The following RAD51B variants were observed in gnomAD, a reference collection of about 807,000 sequenced individuals.
RAD51B encodes RAD51 paralog B, also known as DNA repair protein RAD51 homolog 2.
RAD51B carries 38 observed loss-of-function variants against 42.2 expected under a neutral mutation model. That is an observed-to-expected ratio of 0.90 (90% CI 0.70 to 1.18). RAD51B has a LOEUF of 1.18. Ranked by LOEUF, RAD51B falls within the 50% of genes most tolerant of loss-of-function variation. The pLI, the probability that RAD51B is intolerant of heterozygous loss-of-function variation, is 0.00. For synonymous variants in RAD51B, 154 were observed against 145.2 expected, an observed-to-expected ratio of 1.06 and a Z score of -0.43; for missense variants, 373 against 400.7, an observed-to-expected ratio of 0.93 and a Z score of 0.59.
intron 8 of RAD51B, among the ~76,000 whole-genome samples, chr14:68,356,341 G>A (rs145362966): frequency 0.014 from 2,168 of 151,502 alleles, 51 homozygotes; most frequent in African/African-American, 0.05. Context: ...AGGCTGAGGC[G>A]GGAGAATGGC....
intron 9 of RAD51B, among the ~76,000 whole-genome samples, chr14:68,463,886 C>A (rs2085909894): frequency 6.6e-6 from 1 of 152,174 alleles, no homozygotes; most frequent in South Asian, 2.1e-4. Context: ...AGGACTATCA[C>A]CTCCCTTGTT....
intron 5 of RAD51B, among the ~76,000 whole-genome samples, chr14:67,868,554 C>G (rs1264485222): frequency 1.3e-5 from 2 of 152,230 alleles, no homozygotes; most frequent in Admixed American, 1.3e-4. Context: ...AACAAAGCAG[C>G]CAGGAAGCTC....
At chr14:68,388,078 G>GTA (rs1198304118) in intron 8 of RAD51B, among the ~76,000 whole-genome samples, 59 of 112,208 alleles carry the variant, frequency 5.3e-4, no homozygotes, top group East Asian at 1.5e-3. Flanking sequence ...GTGTGTGTGT[G>GTA]TATATATATA....
At chr14:68,367,391 C>A (rs914316825) in intron 8 of RAD51B, among the ~76,000 whole-genome samples, 2 of 152,072 alleles carry the variant, frequency 1.3e-5, no homozygotes. Context: ...TTGTAAGGGA[C>A]CATTGGAAAA....
At chr14:68,161,930 C>A (rs1366663008) in intron 7 of RAD51B, among the ~76,000 whole-genome samples, 1 of 152,192 alleles carries the variant, frequency 6.6e-6, no homozygotes, top group Non-Finnish European at 1.5e-5. Context: ...TTTATTGTCA[C>A]AACTGTGCAC....
At chr14:68,478,606 A>G (rs971513270), downstream of RAD51B, among the ~76,000 whole-genome samples, 2 of 152,254 alleles carry the variant, frequency 1.3e-5, no homozygotes, top group Non-Finnish European at 2.9e-5. Flanking sequence ...GCCAGGCATT[A>G]AATCTTTCCA....
At chr14:68,308,847 C>T (rs1220666805) in intron 8 of RAD51B, among the ~76,000 whole-genome samples, 2 of 152,086 alleles carry the variant, frequency 1.3e-5, no homozygotes, top group Admixed American at 6.6e-5. Flanking sequence ...TAATGTTCTC[C>T]ATCTTCCTAA....
At chr14:68,507,560 A>G (rs10132579) in intron 10 of RAD51B, among the ~76,000 whole-genome samples, 36,075 of 152,020 alleles carry the variant, frequency 0.24, 4,667 homozygotes, top group East Asian at 0.55. Context: ...CATTCTGCAC[A>G]CCTCAATATG....
intron 10 of RAD51B, among the ~76,000 whole-genome samples, chr14:68,528,064 A>G (rs1887047837): frequency 1.3e-5 from 2 of 152,216 alleles, no homozygotes; most frequent in South Asian, 4.1e-4. Context: ...TAAGCCATCT[A>G]AAACCACAGT....
At chr14:68,024,181 A>G (rs1454672274) in intron 7 of RAD51B, among the ~76,000 whole-genome samples, 2 of 152,010 alleles carry the variant, frequency 1.3e-5, no homozygotes, top group East Asian at 3.9e-4. Flanking sequence ...TGAGTTTTCT[A>G]TTCTGCTGTA....
At chr14:68,590,693 A>G (rs1222202840) in intron 10 of RAD51B, among the ~76,000 whole-genome samples, 1 of 152,080 alleles carries the variant, frequency 6.6e-6, no homozygotes, top group Non-Finnish European at 1.5e-5. Context: ...CCCATTACCC[A>G]CAAGAGGCCA....
At chr14:68,683,061 T>C (rs1424888745) in intron 11 of RAD51B, 1 of 678,406 alleles carries the variant, frequency 1.5e-6, no homozygotes, top group Non-Finnish European at 1.8e-6. Context: ...TGCCTGTTAT[T>C]TTTTTCTGTC....
At chr14:68,415,665 G>A (rs1476162957) in intron 9 of RAD51B, among the ~76,000 whole-genome samples, 2 of 152,200 alleles carry the variant, frequency 1.3e-5, no homozygotes, top group African/African-American at 2.4e-5. Flanking sequence ...GAGAGGAGTG[G>A]CCGAGGCCTT....
intron 8 of RAD51B, among the ~76,000 whole-genome samples, chr14:68,325,914 G>T (rs1427054857): frequency 6.6e-6 from 1 of 151,938 alleles, no homozygotes; most frequent in Non-Finnish European, 1.5e-5. Flanking sequence ...CAAGCTCTGT[G>T]CTAGGTCTGG....
chr14:68,039,527 A>G (rs2076186555), intron 7 of RAD51B, among the ~76,000 whole-genome samples: 1 of 152,188 alleles, frequency 6.6e-6, no homozygotes, highest in Non-Finnish European at 1.5e-5. Context: ...CAGTATTTGA[A>G]AACTATTATC....
At chr14:68,188,093 G>T (rs1044772591) in intron 7 of RAD51B, among the ~76,000 whole-genome samples, 1 of 152,134 alleles carries the variant, frequency 6.6e-6, no homozygotes, top group African/African-American at 2.4e-5. Context: ...GGGATTACAG[G>T]CCTGAGCCAC....
rs763194203 is a variant in RAD51B at position 68,611,278 on chromosome 14, A to G, written c.*31A>G. ...CCTAGTTTTTCACCACGACTTCCAG[A>G]TCTACATTTAACATCCGACAGCAAC... On this transcript the variant is annotated 3_prime_UTR_variant, in exon 11 of 11. Coordinates refer to the RAD51B transcript ENST00000487861. 12 of 702,056 alleles carry G rather than the reference A, an allele frequency of 1.7e-5. No individual in the cohort carries two copies. The Admixed American group carries it at 2.0e-4, about 12-fold the overall frequency. The allele number at this position is 702,056 out of a possible 1,614,324, so 43.5% of individuals were successfully genotyped here. A position where few individuals can be genotyped will look rare whatever the true frequency, so the allele number is the denominator to read the frequency against.
At chr14:68,320,427 A>G (rs1285693211) in intron 8 of RAD51B, among the ~76,000 whole-genome samples, 1 of 152,166 alleles carries the variant, frequency 6.6e-6, no homozygotes, top group Non-Finnish European at 1.5e-5. Context: ...GCCTGAGGAG[A>G]CTCTCAAGCC....
intron 11 of RAD51B, among the ~76,000 whole-genome samples, chr14:68,664,371 C>G (rs1269634538): frequency 1.3e-5 from 2 of 152,168 alleles, no homozygotes; most frequent in African/African-American, 4.8e-5. Flanking sequence ...CTCCCCACCA[C>G]ATCCACCCCC....
Sources: gnomAD v4.1 joint callset for allele counts (sites outside exome capture counted in the v4.1 genomes callset) on GRCh38, gnomAD v4.1.1 for gene constraint, MANE v1.5 for transcripts, NCBI Gene and HGNC (gene_info 2026-07-23, HGNC 2026-07-21) for gene names.